HECW2: variants seen among roughly 807,000 people sequenced by gnomAD.
The protein encoded by HECW2 is E3 ubiquitin-protein ligase HECW2.
HECW2 carries 61 observed loss-of-function variants against 175.2 expected under a neutral mutation model. The ratio of observed to expected loss-of-function variants is 0.35; its 90% CI spans 0.28 to 0.43. The LOEUF is 0.43. HECW2 is among the 20% of genes least tolerant of loss of function. The pLI is 1.00. For synonymous variants in HECW2, 671 were observed against 731.0 expected (o/e 0.92, Z 1.32); for missense variants, 1,524 against 2,000.5 (o/e 0.76, Z 4.54).
intron 14 of HECW2, chr2:196,291,265 C>G (rs1186165440): frequency 6.6e-6 from 1 of 152,196 alleles, no homozygotes; most frequent in Non-Finnish European, 1.5e-5. Flanking sequence ...ATGGCCTTAT[C>G]TGTGACATCC....
chr2:196,331,074 TACTGCCTCCGCTG>T, intron 4 of HECW2: 1 of 845,118 alleles, frequency 1.2e-6, no homozygotes, highest in Non-Finnish European at 1.4e-6. Context: ...TATAAATTTC[TACTGCCTCCGCTG>T]TAACTCCTGT....
rs1441218775 is a variant in HECW2 at position 196,524,735 on chromosome 2, C to A, written c.-36+68773G>T. Among the ~76,000 whole-genome samples, 8 of 122,030 alleles carry A rather than the reference C, an allele frequency of 6.6e-5. 2 individuals carry two copies. The highest frequency in any genetic ancestry group is 1.1e-4 in the Non-Finnish European group (7 of 63,772). The allele number at this position is 122,030 out of a possible 152,430, so 80.1% of individuals were successfully genotyped here. ...ATTTCTGCCTTCATTTTGTTATGTACCCCGTAGTCATTCAGGAGCAGGTTG... is the reference window on the plus strand; with the variant it reads ...ATTTCTGCCTTCATTTTGTTATGTAACCCGTAGTCATTCAGGAGCAGGTTG... On this transcript the variant is annotated intron_variant, in intron 1 of 28. Coordinates refer to ENST00000644978, the MANE Select transcript of HECW2 (RefSeq NM_001348768.2).
At chr2:196,289,984 T>C (rs980109847) in intron 14 of HECW2, 2 of 152,200 alleles carry the variant, frequency 1.3e-5, no homozygotes, top group Admixed American at 6.5e-5. Context: ...AAAAATCTTA[T>C]TAAAGTCTTA....
chr2:196,379,841 T>G (rs927910292), intron 2 of HECW2, among the ~76,000 whole-genome samples: 1 of 149,068 alleles, frequency 6.7e-6, no homozygotes, highest in Non-Finnish European at 1.5e-5. Context: ...ACTGAGAAGA[T>G]GCAAGAGCCA....
intron 1 of HECW2, among the ~76,000 whole-genome samples, chr2:196,443,948 T>C (rs1696111165): frequency 1.3e-5 from 2 of 152,122 alleles, no homozygotes; most frequent in African/African-American, 4.8e-5. Flanking sequence ...AGTGGGAGGA[T>C]CGCTTGAGCC....
At chr2:196,297,186 GA>G (rs1690848490) in intron 13 of HECW2, among the ~76,000 whole-genome samples, 1 of 152,136 alleles carries the variant, frequency 6.6e-6, no homozygotes, top group Admixed American at 6.5e-5. Context: ...ATCTCTAAAG[GA>G]AACAACACTT....
Position 196,319,828 on chromosome 2 carries a change from G to A in HECW2, c.1062C>T (p.Asp354=), listed in dbSNP as rs141702751. The change falls in exon 9 of 29, where the codon GAC becomes GAT. Residue 354 remains aspartate, a synonymous_variant. Coordinates refer to ENST00000644978, the MANE Select transcript of HECW2 (RefSeq NM_001348768.2). ...VNGDLGSPSD[D]EDMPGSHHDS... ...CGTGATGGCTCCCTGGCATGTCCTC[G>A]TCATCGGAAGGGCTACCTAAGTCTC... 349 of 1,614,148 alleles carry A rather than the reference G, an allele frequency of 2.2e-4. 1 individual carries two copies. The highest frequency in any genetic ancestry group is 1.8e-3 in the South Asian group (160 of 91,082).
intron 4 of HECW2, 42 bp from the exon 5 acceptor site, chr2:196,329,692 G>T: frequency 6.7e-7 from 1 of 1,489,162 alleles, no homozygotes; most frequent in Non-Finnish European, 9.4e-7. Context: ...AGAAGCATAT[G>T]ATGCCACTGG....
At chr2:196,294,467 A>G (rs1690731444) in intron 13 of HECW2, among the ~76,000 whole-genome samples, 1 of 152,056 alleles carries the variant, frequency 6.6e-6, no homozygotes, top group Admixed American at 6.5e-5. Context: ...TCTGTTATCT[A>G]TTTTAGTCTA....
intron 4 of HECW2, among the ~76,000 whole-genome samples, chr2:196,333,904 C>T (rs1479332644): frequency 6.6e-6 from 1 of 152,110 alleles, no homozygotes; most frequent in Non-Finnish European, 1.5e-5. Context: ...CCACATTTTA[C>T]CCAAAATATG....
intron 1 of HECW2, among the ~76,000 whole-genome samples, chr2:196,586,040 C>T (rs564582289): frequency 4.6e-4 from 70 of 152,260 alleles, no homozygotes; most frequent in African/African-American, 1.5e-3. Context: ...ACCAAATATA[C>T]ACTCGTGTCT....
intron 1 of HECW2, among the ~76,000 whole-genome samples, chr2:196,442,533 A>G (rs750976216): frequency 6.6e-6 from 1 of 152,232 alleles, no homozygotes; most frequent in African/African-American, 2.4e-5. Flanking sequence ...CAAAATAGAG[A>G]ACAAATTAAC....
At chr2:196,357,972 C>G (rs1260259523) in intron 2 of HECW2, among the ~76,000 whole-genome samples, 2 of 152,146 alleles carry the variant, frequency 1.3e-5, no homozygotes, top group African/African-American at 2.4e-5. Context: ...TGGACTAATA[C>G]ACCAACAGAA....
chr2:196,205,786 T>C (rs1233722445), intron 28 of HECW2, among the ~76,000 whole-genome samples: 1 of 152,192 alleles, frequency 6.6e-6, no homozygotes, highest in Non-Finnish European at 1.5e-5. Context: ...GTGAGTCTGA[T>C]GCAGGTGGTC....
intron 1 of HECW2, among the ~76,000 whole-genome samples, chr2:196,441,520 A>G (rs563455809): frequency 5.3e-5 from 8 of 152,294 alleles, no homozygotes; most frequent in African/African-American, 1.9e-4. Context: ...AGCCTGCAGT[A>G]AGTAGAGATG....
In HECW2 at chr2:196,486,731, G is replaced by A. The variant is rs183425656; in HGVS notation, c.-35-53273C>T. Among the ~76,000 whole-genome samples, 58 of 152,224 alleles carry A rather than the reference G, an allele frequency of 3.8e-4. No individual in the cohort carries two copies. In the South Asian group the frequency reaches 4.2e-3, roughly 11 times the overall value. Reference sequence around the variant, plus strand: ...AACCTAGTAACAAAGACTGGGACCCGGCATCCAAGGGAACTATTAAACAAG... The same window carrying A: ...AACCTAGTAACAAAGACTGGGACCCAGCATCCAAGGGAACTATTAAACAAG... On this transcript the variant is annotated intron_variant, in intron 1 of 28. Coordinates refer to ENST00000644978, the MANE Select transcript of HECW2 (RefSeq NM_001348768.2).
Position 196,575,080 on chromosome 2 carries a change from C to CAAAAAA in HECW2, c.-36+18422_-36+18427dup, listed in dbSNP as rs1164886570. The stretch of plus-strand genomic sequence containing the variant: ...TGGGTAACAGAGCAAGGCCTTGTCT[C>CAAAAAA]AAAAAAAAAAAAAAAAAAAAAAAAA... On this transcript the variant is annotated intron_variant, in intron 1 of 28. Transcript: ENST00000644978. Among the ~76,000 whole-genome samples the CAAAAAA allele has an allele frequency of 1.2e-3, 35 of 29,846 alleles. 2 individuals are homozygous for CAAAAAA. Among genetic ancestry groups the CAAAAAA allele is most frequent in the African/African-American group, 4.2e-3 (27 of 6,424 alleles). 19.6% of individuals were successfully genotyped at this position (29,846 alleles called of 152,430 possible). A position where few individuals can be genotyped will look rare whatever the true frequency, so the allele number is the denominator to read the frequency against.
intron 18 of HECW2, 172 bp downstream of exon 18, chr2:196,257,650 CG>C (rs1259888472): frequency 3.4e-6 from 2 of 588,058 alleles, no homozygotes; most frequent in African/African-American, 3.7e-5. Flanking sequence ...CAAATGGCAA[CG>C]TGAAGTGAAT....
At chr2:196,414,812 C>A (rs78806213) in intron 2 of HECW2, among the ~76,000 whole-genome samples, 1 of 152,150 alleles carries the variant, frequency 6.6e-6, no homozygotes, top group African/African-American at 2.4e-5. Flanking sequence ...CAACTCAAAC[C>A]GTGCAGGTTA....
Sources: allele counts gnomAD v4.1 joint callset (sites outside exome capture counted in the v4.1 genomes callset), GRCh38; gene constraint gnomAD v4.1.1; transcripts MANE v1.5; gene names NCBI Gene and HGNC (gene_info 2026-07-23, HGNC 2026-07-21).